The following RASGEF1C variants were observed in gnomAD, a reference collection of about 807,000 sequenced individuals.
RASGEF1C encodes the protein ras-GEF domain-containing family member 1C.
In RASGEF1C, 27 loss-of-function variants were observed where a neutral mutation model predicts 58.1. The ratio of observed to expected loss-of-function variants is 0.46; its 90% CI spans 0.34 to 0.64. RASGEF1C has a LOEUF of 0.64. RASGEF1C is among the 30% of genes least tolerant of loss of function. RASGEF1C has a pLI of 0.01. For synonymous variants in RASGEF1C, 243 were observed against 246.3 expected, an observed-to-expected ratio of 0.99 and a Z score of 0.13; for missense variants, 502 against 605.1, an observed-to-expected ratio of 0.83 and a Z score of 1.79.
chr5:180,102,973 G>A (rs974099900), intron 12 of RASGEF1C, among the ~76,000 whole-genome samples: 1 of 152,202 alleles, frequency 6.6e-6, no homozygotes, highest in Non-Finnish European at 1.5e-5. Context: ...CATTAAACCT[G>A]TACTTAAATT....
chr5:180,167,428 G>A (rs912726060), intron 1 of RASGEF1C, among the ~76,000 whole-genome samples: 28 of 152,242 alleles, frequency 1.8e-4, no homozygotes, highest in African/African-American at 6.3e-4. Context: ...AGGCGGAGGC[G>A]CAGTGAGCCA....
intron 1 of RASGEF1C, among the ~76,000 whole-genome samples, chr5:180,175,982 C>T (rs546413579): frequency 2.6e-5 from 4 of 152,264 alleles, no homozygotes; most frequent in South Asian, 4.1e-4. Flanking sequence ...AGCGGGACTC[C>T]GTCTCGAAGA....
chr5:180,189,198 A>G (rs1756102030), intron 1 of RASGEF1C, among the ~76,000 whole-genome samples: 1 of 152,206 alleles, frequency 6.6e-6, no homozygotes, highest in African/African-American at 2.4e-5. Context: ...TACACTACAT[A>G]AAAAATGAAA....
chr5:180,118,625 T>TGGGCCGTCA lies in RASGEF1C; in HGVS notation c.1058_1066dup (p.Leu353_Ala355dup), dbSNP rs758380429. On this transcript the variant is annotated inframe_insertion, in exon 10 of 14. Transcript: ENST00000361132. ...CCGACCTACCTTCTCTCGGCTGCTG[T>TGGGCCGTCA]GGGCCGTCAGGGAGCGGTGGGCCGC... 6.2e-7 allele frequency: 1 copy of TGGGCCGTCA among 1,612,348 alleles called. No individual in the cohort carries two copies. Among genetic ancestry groups the TGGGCCGTCA allele is most frequent in the African/African-American group, 1.3e-5 (1 of 74,922 alleles).
At chr5:180,169,756 C>T (rs1767073592) in intron 1 of RASGEF1C, among the ~76,000 whole-genome samples, 1 of 152,082 alleles carries the variant, frequency 6.6e-6, no homozygotes, top group African/African-American at 2.4e-5. Context: ...TGGCCCTTCT[C>T]GTAGCCCCAT....
chr5:180,109,670 G>T (rs954312759), intron 12 of RASGEF1C, among the ~76,000 whole-genome samples: 1 of 152,204 alleles, frequency 6.6e-6, no homozygotes, highest in Non-Finnish European at 1.5e-5. Flanking sequence ...GGCAAAGGGA[G>T]ATTTGACTAA....
chr5:180,114,992 T>C (rs1355228825), intron 10 of RASGEF1C, among the ~76,000 whole-genome samples: 1 of 152,046 alleles, frequency 6.6e-6, no homozygotes, highest in Non-Finnish European at 1.5e-5. Context: ...GGAATAGATG[T>C]GCATCAACTA....
intron 10 of RASGEF1C, among the ~76,000 whole-genome samples, chr5:180,115,872 G>C (rs1029730203): frequency 6.6e-6 from 1 of 152,120 alleles, no homozygotes; most frequent in Non-Finnish European, 1.5e-5. Flanking sequence ...GTGGTGGGGG[G>C]GGATTGTGGG....
intron 1 of RASGEF1C, among the ~76,000 whole-genome samples, chr5:180,180,575 C>G (rs530663226): frequency 1.8e-4 from 27 of 152,336 alleles, no homozygotes; most frequent in African/African-American, 6.5e-4. Flanking sequence ...CCAGAGGTGC[C>G]AGGAGCAAAG....
intron 12 of RASGEF1C, among the ~76,000 whole-genome samples, chr5:180,110,744 C>T (rs763458685): frequency 6.6e-6 from 1 of 152,202 alleles, no homozygotes; most frequent in African/African-American, 2.4e-5. Context: ...GTCTGTTACA[C>T]CTGCACACAC....
chr5:180,200,013 G>A (rs191627138), intron 1 of RASGEF1C, among the ~76,000 whole-genome samples: 13 of 152,268 alleles, frequency 8.5e-5, no homozygotes, highest in Non-Finnish European at 1.5e-4. Context: ...TGTAATCTCA[G>A]CACTTTGGGA....
In RASGEF1C at chr5:180,177,001, GCC is replaced by G. The variant is rs757871311; in HGVS notation, c.-7+32025_-7+32026del. On this transcript the variant is annotated intron_variant, in intron 1 of 13. Coordinates refer to ENST00000361132, the MANE Select transcript of RASGEF1C (RefSeq NM_175062.4). This position sits in a 1 kb window ranked among gnomAD's most constrained non-coding sequence, Gnocchi z 5.0. ...GGCATAACCCAAGACAGGGCCCCTG[GCC>G]TGGCCTCCAACTCCCACCCAACCTT... Among the ~76,000 whole-genome samples, 5 of 152,170 alleles carry G rather than the reference GCC, an allele frequency of 3.3e-5. No homozygotes were observed. The highest frequency in any genetic ancestry group is 4.8e-5 in the African/African-American group (2 of 41,448).
intron 1 of RASGEF1C, among the ~76,000 whole-genome samples, chr5:180,191,047 A>G (rs1485497551): frequency 6.6e-6 from 1 of 152,246 alleles, no homozygotes; most frequent in African/African-American, 2.4e-5. Flanking sequence ...ATGATGTCTC[A>G]TATCATTAGT....
At chr5:180,169,788 C>T (rs1390995968) in intron 1 of RASGEF1C, among the ~76,000 whole-genome samples, 1 of 140,706 alleles carries the variant, frequency 7.1e-6, no homozygotes, top group African/African-American at 2.5e-5. Context: ...AGCACCCACC[C>T]CCCGACCCCA....
Position 180,101,221 on chromosome 5 carries a change from A to ACTGTC in RASGEF1C, c.*279_*280insGACAG, listed in dbSNP as rs1398952054. The ACTGTC allele has an allele frequency of 3.9e-6, 2 of 508,564 alleles. No homozygotes were observed. The highest frequency in any genetic ancestry group is 7.1e-6 in the Non-Finnish European group (2 of 282,948). The allele number at this position is 508,564 out of a possible 1,614,324, so 31.5% of individuals were successfully genotyped here. On this transcript the variant is annotated 3_prime_UTR_variant, in exon 14 of 14. Coordinates refer to ENST00000361132, the MANE Select transcript of RASGEF1C (RefSeq NM_175062.4). ...TGTTGTGTCCTTGCCGAGGATGGAC[A>ACTGTC]GACTGACCAGGCCCCACGGTCCTGA...
intron 1 of RASGEF1C, among the ~76,000 whole-genome samples, chr5:180,163,312 A>T (rs1319983129): frequency 7.3e-6 from 1 of 137,696 alleles, no homozygotes; most frequent in African/African-American, 2.7e-5. Context: ...TTGAGAATGG[A>T]CAGTCAACTT....
At chr5:180,112,790 G>T (rs1042582823) in intron 11 of RASGEF1C, among the ~76,000 whole-genome samples, 45 of 152,390 alleles carry the variant, frequency 3.0e-4, no homozygotes, top group African/African-American at 9.9e-4. Flanking sequence ...GGTCAGCCTG[G>T]CCTTTCTTCT....
chr5:180,200,910 G>A (rs1318481880), intron 1 of RASGEF1C, among the ~76,000 whole-genome samples: 1 of 152,084 alleles, frequency 6.6e-6, no homozygotes, highest in Non-Finnish European at 1.5e-5. Context: ...ATGAGGAGAG[G>A]GGAGCTGGGA....
chr5:180,139,324 A>G (rs1343543350), intron 1 of RASGEF1C, among the ~76,000 whole-genome samples: 4 of 152,138 alleles, frequency 2.6e-5, no homozygotes, highest in Non-Finnish European at 4.4e-5. Flanking sequence ...AGGGTCTTCT[A>G]TGGACTCTGA....
Sources: gnomAD v4.1 joint callset for allele counts (sites outside exome capture counted in the v4.1 genomes callset) on GRCh38, gnomAD v4.1.1 for gene constraint, Gnocchi (gnomAD v3.1) non-coding constraint, MANE v1.5 for transcripts, NCBI Gene and HGNC (gene_info 2026-07-23, HGNC 2026-07-21) for gene names.